Variants in FRMPD4 observed in about 807,000 individuals in gnomAD.
FRMPD4 encodes FERM and PDZ domain containing 4.
FRMPD4 carries 22 observed loss-of-function variants against 94.1 expected under a neutral mutation model. The observed-to-expected ratio is 0.23, with a 90% CI of 0.17 to 0.33. The LOEUF (loss-of-function observed/expected upper bound fraction) is 0.33, where lower values mean the gene tolerates loss of function less well. Among genes scored for constraint, FRMPD4 ranks in the 10% least tolerant of loss-of-function variants. The pLI, the probability that FRMPD4 is intolerant of heterozygous loss-of-function variation, is 1.00. For synonymous variants in FRMPD4, 631 were observed against 548.6 expected, an observed-to-expected ratio of 1.15 and a Z score of -2.10; for missense variants, 1,111 against 1,339.9, an observed-to-expected ratio of 0.83 and a Z score of 2.67.
At chrX:12,064,627 AG>A (rs2054907385) in intron 3 of FRMPD4, among the ~76,000 whole-genome samples, 1 of 111,850 alleles carries the variant, frequency 8.9e-6, no homozygotes, top group Admixed American at 9.5e-5. Context: ...AATCAAAGTG[AG>A]GTGCAGATGA....
At chrX:12,461,144 G>C (rs2057386699) in intron 1 of FRMPD4, among the ~76,000 whole-genome samples, 1 of 111,899 alleles carries the variant, frequency 8.9e-6, no homozygotes, top group Non-Finnish European at 1.9e-5. Context: ...AAATCTACTG[G>C]ATTAAGTGAC....
chrX:11,951,749 G>A (rs1163063031), intron 3 of FRMPD4, among the ~76,000 whole-genome samples: 1 of 112,439 alleles, frequency 8.9e-6, no homozygotes, highest in Non-Finnish European at 1.9e-5. Flanking sequence ...TAAATTAAAA[G>A]TTAGAAAAGC....
intron 5 of FRMPD4, among the ~76,000 whole-genome samples, chrX:12,682,398 C>T (rs1027145340): frequency 8.9e-6 from 1 of 112,039 alleles, no homozygotes. Context: ...GAATTCTTTA[C>T]GCAACAGCCT....
Position 11,859,357 on chromosome X carries a change from C to A in FRMPD4, c.-160-5729C>A, listed in dbSNP as rs765245925. Among the ~76,000 whole-genome samples the A allele has an allele frequency of 9.1e-4, 102 of 111,982 alleles. 1 individual carries two copies. Among genetic ancestry groups the A allele is most frequent in the Non-Finnish European group, 8.3e-4 (44 of 53,113 alleles). The stretch of plus-strand genomic sequence containing the variant: ...TATTACACAGTGTTCAAAGGAATTT[C>A]AGGTTTTCAAATGATAAAGTTTTGT... On this transcript the variant is annotated intron_variant, in intron 1 of 18. Coordinates refer to the FRMPD4 transcript ENST00000640291.
At chrX:12,358,059 A>G (rs1400082753) in intron 1 of FRMPD4, among the ~76,000 whole-genome samples, 1 of 112,396 alleles carries the variant, frequency 8.9e-6, no homozygotes, top group Non-Finnish European at 1.9e-5. Context: ...TATAACATGT[A>G]TCAGCACTTC....
intron 3 of FRMPD4, among the ~76,000 whole-genome samples, chrX:12,006,754 G>A (rs149773290): frequency 2.1e-4 from 24 of 111,854 alleles, no homozygotes; most frequent in African/African-American, 7.8e-4. Flanking sequence ...GTAGATTTTC[G>A]TAAAAGGATA....
chrX:12,616,287 G>C (rs2059235483), intron 4 of FRMPD4, among the ~76,000 whole-genome samples: 1 of 112,161 alleles, frequency 8.9e-6, no homozygotes, highest in Admixed American at 9.4e-5. Context: ...TAAAGACACA[G>C]TGACAAAGTA....
At chrX:12,265,156 C>T (rs1160790018) in intron 1 of FRMPD4, among the ~76,000 whole-genome samples, 3 of 112,023 alleles carry the variant, frequency 2.7e-5, no homozygotes, top group African/African-American at 9.7e-5. Context: ...CTAAAAATAT[C>T]GAAGTCCCAG....
At chrX:11,850,563 C>T (rs1427019291) in intron 1 of FRMPD4, among the ~76,000 whole-genome samples, 1 of 112,326 alleles carries the variant, frequency 8.9e-6, no homozygotes, top group Non-Finnish European at 1.9e-5. Flanking sequence ...TGTCCATTGC[C>T]ATGTGAACAG....
rs142571771 is a variant in FRMPD4, at chrX:12,654,888, G to C, written c.423-19975G>C. ...CAGGCTTTGGAGTCAGAAAAGCACA[G>C]ATCCATGTGCTGATTCTGCCAGTTA... On this transcript the variant is annotated intron_variant, in intron 4 of 16. Coordinates refer to ENST00000675598, the MANE Select transcript of FRMPD4 (RefSeq NM_001368397.1). Among the ~76,000 whole-genome samples, 392 of 112,363 alleles carry C rather than the reference G, an allele frequency of 3.5e-3. 3 individuals are homozygous for C. Among genetic ancestry groups the C allele is most frequent in the African/African-American group, 0.012 (370 of 30,995 alleles).
chrX:11,920,928 C>G (rs1294414945), intron 3 of FRMPD4, among the ~76,000 whole-genome samples: 1 of 112,004 alleles, frequency 8.9e-6, no homozygotes, highest in African/African-American at 3.2e-5. Flanking sequence ...TCTAGCTGGA[C>G]AATCTGAGGC....
chrX:12,094,881 A>T (rs1188703376), intron 3 of FRMPD4, among the ~76,000 whole-genome samples: 4 of 111,982 alleles, frequency 3.6e-5, no homozygotes, highest in Non-Finnish European at 7.5e-5. Context: ...TGTACGTATA[A>T]TTATTGGTAA....
chrX:12,363,148 C>T (rs1240375177), intron 1 of FRMPD4, among the ~76,000 whole-genome samples: 3 of 111,978 alleles, frequency 2.7e-5, no homozygotes, highest in South Asian at 3.7e-4. Context: ...TTCTCCCATT[C>T]TGTAGGTTGC....
At chrX:11,876,441 A>G (rs1188488698) in intron 2 of FRMPD4, among the ~76,000 whole-genome samples, 13 of 109,861 alleles carry the variant, frequency 1.2e-4, no homozygotes, top group Admixed American at 1.2e-3. Flanking sequence ...CTCAAGATTT[A>G]TGTCCTCATT....
intron 2 of FRMPD4, among the ~76,000 whole-genome samples, chrX:12,596,602 C>T (rs1177526732): frequency 9.1e-6 from 1 of 109,884 alleles, no homozygotes; most frequent in African/African-American, 3.3e-5. Context: ...TTATCAACAC[C>T]TCTAGCTTCT....
At chrX:11,996,005 A>G (rs1226462338) in intron 3 of FRMPD4, among the ~76,000 whole-genome samples, 1 of 111,887 alleles carries the variant, frequency 8.9e-6, no homozygotes, top group African/African-American at 3.2e-5. Flanking sequence ...TGGCAATATT[A>G]CTTTAAAAAT....
At chrX:12,183,524 A>T (rs1405255527) in intron 1 of FRMPD4, among the ~76,000 whole-genome samples, 1 of 112,038 alleles carries the variant, frequency 8.9e-6, no homozygotes, top group Non-Finnish European at 1.9e-5. Context: ...TAGCTATTTC[A>T]AGGAAGGAAG....
intron 2 of FRMPD4, among the ~76,000 whole-genome samples, chrX:12,507,996 G>A (rs2058002719): frequency 8.9e-6 from 1 of 111,996 alleles, no homozygotes; most frequent in Non-Finnish European, 1.9e-5. Flanking sequence ...ATGGAATGCT[G>A]AATACAAGTG....
At chrX:12,326,495 C>A (rs1200943168) in intron 1 of FRMPD4, among the ~76,000 whole-genome samples, 1 of 111,564 alleles carries the variant, frequency 9.0e-6, no homozygotes, top group Non-Finnish European at 1.9e-5. Flanking sequence ...TTGTGATGGC[C>A]ACACATGTCT....
Sources: allele counts gnomAD v4.1 joint callset (sites outside exome capture counted in the v4.1 genomes callset), GRCh38; gene constraint gnomAD v4.1.1; transcripts MANE v1.5; gene names NCBI Gene and HGNC (gene_info 2026-07-23, HGNC 2026-07-21).